Variants in PHACTR1 observed in about 807,000 individuals in gnomAD.
PHACTR1 encodes phosphatase and actin regulator 1, also known as RPEL repeat containing 1.
In PHACTR1, 16 loss-of-function variants were observed where a neutral mutation model predicts 69.2. That is an observed-to-expected ratio of 0.23 (90% CI 0.16 to 0.35). The LOEUF (loss-of-function observed/expected upper bound fraction) is 0.35, where lower values mean the gene tolerates loss of function less well. Ranked by LOEUF, PHACTR1 falls within the 10% of genes least tolerant of loss-of-function variation. PHACTR1 has a pLI of 1.00. For missense variants in PHACTR1, 510 were observed against 734.7 expected, an observed-to-expected ratio of 0.69 and a Z score of 3.54; for synonymous variants, 312 against 284.5, an observed-to-expected ratio of 1.10 and a Z score of -0.97.
At chr6:12,830,135 A>AAG (rs1466061129) in intron 4 of PHACTR1, among the ~76,000 whole-genome samples, 1 of 111,212 alleles carries the variant, frequency 9.0e-6, no homozygotes, top group African/African-American at 2.7e-5. Flanking sequence ...GAAAGAAAGA[A>AAG]AGAAAGAAAG....
chr6:12,759,060 G>A (rs1006387528), intron 4 of PHACTR1, among the ~76,000 whole-genome samples: 1 of 148,394 alleles, frequency 6.7e-6, no homozygotes, highest in African/African-American at 2.5e-5. Context: ...GGAGGCAGAG[G>A]TTGCGGTGAG....
At chr6:12,796,825 C>T (rs1201380512) in intron 4 of PHACTR1, among the ~76,000 whole-genome samples, 2 of 152,174 alleles carry the variant, frequency 1.3e-5, no homozygotes, top group Admixed American at 1.3e-4. Flanking sequence ...GGAGGAAGTG[C>T]TGGACACTTT....
At chr6:13,076,027 C>CT (rs398000515) in intron 5 of PHACTR1, among the ~76,000 whole-genome samples, 14,068 of 101,332 alleles carry the variant, frequency 0.14, 2,284 homozygotes, top group African/African-American at 0.37. Context: ...AAGGGAGCAT[C>CT]TTTTTTTTTT....
chr6:13,120,127 T>C (rs1239796315), intron 5 of PHACTR1, among the ~76,000 whole-genome samples: 1 of 151,888 alleles, frequency 6.6e-6, no homozygotes, highest in Admixed American at 6.6e-5. Flanking sequence ...GTCTCAAGAG[T>C]TTACAAATAT....
chr6:13,068,600 G>A (rs1337832654), intron 5 of PHACTR1, among the ~76,000 whole-genome samples: 3 of 152,164 alleles, frequency 2.0e-5, no homozygotes, highest in Non-Finnish European at 4.4e-5. Flanking sequence ...TTAGGAGCCT[G>A]CCTTTAGACA....
intron 4 of PHACTR1, among the ~76,000 whole-genome samples, chr6:12,949,303 A>G (rs78177742): frequency 6.6e-6 from 1 of 151,638 alleles, no homozygotes; most frequent in East Asian, 1.9e-4. Context: ...AAAGAAAAGG[A>G]AAAAAAAGAA....
At chr6:13,003,967 A>G (rs910351561) in intron 4 of PHACTR1, among the ~76,000 whole-genome samples, 5 of 128,860 alleles carry the variant, frequency 3.9e-5, no homozygotes, top group Admixed American at 7.5e-5. Context: ...ATATATATGT[A>G]TATATATATA....
chr6:12,886,000 C>A (rs934017445), intron 4 of PHACTR1, among the ~76,000 whole-genome samples: 1 of 152,164 alleles, frequency 6.6e-6, no homozygotes, highest in African/African-American at 2.4e-5. Context: ...GAGGCTGAGG[C>A]AGGAGAATGG....
intron 4 of PHACTR1, among the ~76,000 whole-genome samples, chr6:12,977,243 C>T (rs541604808): frequency 7.9e-5 from 12 of 152,206 alleles, no homozygotes; most frequent in African/African-American, 1.2e-4. Context: ...TGAGCTACCG[C>T]GCCTGGCCAA....
intron 3 of PHACTR1, among the ~76,000 whole-genome samples, chr6:12,721,708 C>T (rs1658995537): frequency 6.6e-6 from 1 of 152,146 alleles, no homozygotes; most frequent in African/African-American, 2.4e-5. Context: ...CTGCTTTTAC[C>T]ATTACTTGGG....
Position 12,763,215 on chromosome 6 carries a change from AAACAACAACAACAAC to A in PHACTR1, c.250+13452_250+13466del, listed in dbSNP as rs71701647. ...GCAACAAGGTGAAACTCCGTCTCAA[AAACAACAACAACAAC>A]AACAACAACAACAACAACAACAACA... On this transcript the variant is annotated intron_variant, in intron 4 of 14. Transcript: ENST00000332995. Among the ~76,000 whole-genome samples, 485 of 150,104 alleles carry A rather than the reference AAACAACAACAACAAC, an allele frequency of 3.2e-3. 2 individuals are homozygous for A. The highest frequency in any genetic ancestry group is 9.8e-3 in the African/African-American group (397 of 40,586).
intron 7 of PHACTR1, chr6:13,184,676 C>T (rs571468705): frequency 1.8e-5 from 12 of 650,086 alleles, no homozygotes; most frequent in South Asian, 3.1e-5. Flanking sequence ...ACATGCGTGG[C>T]GGCCTGAAGC....
At chr6:12,767,361 A>G (rs1768760887) in intron 4 of PHACTR1, among the ~76,000 whole-genome samples, 1 of 152,226 alleles carries the variant, frequency 6.6e-6, no homozygotes, top group South Asian at 2.1e-4. Flanking sequence ...GAAAGTCATT[A>G]TATGTAGGCC....
At chr6:13,113,310 A>C (rs1367451359) in intron 5 of PHACTR1, among the ~76,000 whole-genome samples, 1 of 152,170 alleles carries the variant, frequency 6.6e-6, no homozygotes, top group African/African-American at 2.4e-5. Flanking sequence ...CCATTAAATA[A>C]ATTGAATCAT....
chr6:13,059,901 T>TAA (rs889857226), intron 5 of PHACTR1, among the ~76,000 whole-genome samples: 3 of 152,020 alleles, frequency 2.0e-5, no homozygotes, highest in Non-Finnish European at 4.4e-5. Flanking sequence ...TGCATATATA[T>TAA]AATAATTAGA....
At chr6:12,789,837 A>T (rs1238436931) in intron 4 of PHACTR1, among the ~76,000 whole-genome samples, 3 of 151,876 alleles carry the variant, frequency 2.0e-5, no homozygotes, top group Non-Finnish European at 2.9e-5. Flanking sequence ...CAGGTTAGTT[A>T]CATATGTATA....
intron 5 of PHACTR1, among the ~76,000 whole-genome samples, chr6:13,105,102 C>T (rs998190655): frequency 2.6e-5 from 4 of 152,128 alleles, no homozygotes; most frequent in African/African-American, 7.2e-5. Context: ...TGACTGTTGG[C>T]GCAGCATGGT....
chr6:12,790,092 C>T (rs1211768662), intron 4 of PHACTR1, among the ~76,000 whole-genome samples: 2 of 152,018 alleles, frequency 1.3e-5, no homozygotes, highest in East Asian at 1.9e-4. Flanking sequence ...ATTTTTTTCT[C>T]AACATCTATT....
intron 5 of PHACTR1, among the ~76,000 whole-genome samples, chr6:13,119,101 T>C (rs995313803): frequency 6.6e-6 from 1 of 152,106 alleles, no homozygotes; most frequent in Non-Finnish European, 1.5e-5. Flanking sequence ...TTTATCTACC[T>C]CATAAAAAAA....
Sources: gnomAD v4.1 joint callset for allele counts (sites outside exome capture counted in the v4.1 genomes callset) on GRCh38, gnomAD v4.1.1 for gene constraint, MANE v1.5 for transcripts, NCBI Gene and HGNC (gene_info 2026-07-23, HGNC 2026-07-21) for gene names.